Variants in ZSWIM6 observed in about 807,000 individuals in gnomAD.
ZSWIM6 encodes zinc finger SWIM-type containing 6.
Under a neutral mutation model 113.2 loss-of-function variants are expected in ZSWIM6, and 9 were observed. The observed-to-expected ratio is 0.08, with a 90% CI of 0.05 to 0.14. The LOEUF (loss-of-function observed/expected upper bound fraction) is 0.14. Ranked by LOEUF, ZSWIM6 falls within the 10% of genes least tolerant of loss-of-function variation. The pLI is 1.00. For synonymous variants in ZSWIM6, 611 were observed against 606.5 expected, an observed-to-expected ratio of 1.01 and a Z score of -0.11; for missense variants, 1,162 against 1,552.2, an observed-to-expected ratio of 0.75 and a Z score of 4.22.
At chr5:61,496,892 AAAC>A (rs1223880113) in intron 4 of ZSWIM6, among the ~76,000 whole-genome samples, 2 of 152,168 alleles carry the variant, frequency 1.3e-5, no homozygotes, top group Non-Finnish European at 2.9e-5. Context: ...TTGTAATGCA[AAAC>A]AACCTTTTAT....
At chr5:61,367,899 A>G (rs1207642638) in intron 1 of ZSWIM6, among the ~76,000 whole-genome samples, 1 of 152,142 alleles carries the variant, frequency 6.6e-6, no homozygotes, top group African/African-American at 2.4e-5. Context: ...GATGAGACGT[A>G]TAACTTGAGA....
chr5:61,415,469 G>T (rs982253977), intron 1 of ZSWIM6, among the ~76,000 whole-genome samples: 1 of 152,186 alleles, frequency 6.6e-6, no homozygotes, highest in East Asian at 1.9e-4. Flanking sequence ...GCACGTGCCT[G>T]TAATCCCAGC....
chr5:61,355,001 T>G (rs1744870161), intron 1 of ZSWIM6, among the ~76,000 whole-genome samples: 1 of 152,234 alleles, frequency 6.6e-6, no homozygotes, highest in Admixed American at 6.5e-5. Context: ...CATGAGTAAT[T>G]AAAGGTATCT....
chr5:61,441,567 G>C (rs1238738318), intron 1 of ZSWIM6, among the ~76,000 whole-genome samples: 3 of 152,262 alleles, frequency 2.0e-5, no homozygotes, highest in Middle Eastern at 3.4e-3. Flanking sequence ...TATCTAGTCT[G>C]TCTCCTGCAT....
At chr5:61,402,976 T>C (rs1745969684) in intron 1 of ZSWIM6, among the ~76,000 whole-genome samples, 1 of 152,248 alleles carries the variant, frequency 6.6e-6, no homozygotes, top group Non-Finnish European at 1.5e-5. Context: ...GCTCTTATGT[T>C]GTACACTTAG....
chr5:61,366,625 T>C (rs1745158952), intron 1 of ZSWIM6, among the ~76,000 whole-genome samples: 1 of 152,180 alleles, frequency 6.6e-6, no homozygotes, highest in Non-Finnish European at 1.5e-5. Flanking sequence ...AGCTTTCTAG[T>C]TGATAATGTA....
At chr5:61,490,372 A>G (rs541537393) in intron 2 of ZSWIM6, among the ~76,000 whole-genome samples, 1 of 152,116 alleles carries the variant, frequency 6.6e-6, no homozygotes, top group African/African-American at 2.4e-5. Context: ...TTGAATTAAC[A>G]TAGTAAAGAG....
At chr5:61,387,986 CTTT>C (rs576895905) in intron 1 of ZSWIM6, among the ~76,000 whole-genome samples, 13 of 130,740 alleles carry the variant, frequency 9.9e-5, no homozygotes, top group Non-Finnish European at 1.3e-4. Flanking sequence ...CTCTCTCTCT[CTTT>C]TTTTTTTTTT....
intron 1 of ZSWIM6, among the ~76,000 whole-genome samples, chr5:61,420,701 T>C (rs1037581393): frequency 6.6e-6 from 1 of 152,152 alleles, no homozygotes; most frequent in Non-Finnish European, 1.5e-5. Context: ...ATAGTGAGTA[T>C]GTATATTTAT....
chr5:61,435,778 CAGAG>C (rs1239482927), intron 1 of ZSWIM6, among the ~76,000 whole-genome samples: 1 of 151,992 alleles, frequency 6.6e-6, no homozygotes, highest in East Asian at 1.9e-4. Flanking sequence ...TTTTAGATGA[CAGAG>C]AGCTTAGATT....
intron 2 of ZSWIM6, among the ~76,000 whole-genome samples, chr5:61,477,975 G>C (rs1186170905): frequency 6.6e-6 from 1 of 152,160 alleles, no homozygotes; most frequent in Non-Finnish European, 1.5e-5. Flanking sequence ...GTCATCTGAT[G>C]GAGGACTCAT....
In ZSWIM6 at chr5:61,543,843, C is replaced by T; in HGVS notation, c.3174C>T (p.Asn1058=). Residue 1058 remains asparagine (N), a synonymous_variant, in exon 14 of 14, where the codon AAC becomes AAT. Coordinates refer to ENST00000252744, the MANE Select transcript of ZSWIM6 (RefSeq NM_020928.2). This position sits in a 1 kb window ranked among gnomAD's most constrained non-coding sequence, Gnocchi z 4.3. The part of the protein sequence containing the change: ...KLATLAMTHL[N]LSYNQDTHPA... ...CCACCCTGGCCATGACCCATCTCAA[C>T]CTGAGCTACAATCAGGACACACACC... 1 of 1,551,948 alleles carries T rather than the reference C, an allele frequency of 6.4e-7. No homozygotes were observed. The highest frequency in any genetic ancestry group is 8.7e-7 in the Non-Finnish European group (1 of 1,147,040).
rs1350827123 is a variant in ZSWIM6 at position 61,539,700 on chromosome 5, C to T, written c.2644C>T (p.Leu882Phe). Residue 882 changes from leucine to phenylalanine, a missense_variant, in exon 12 of 14, where the codon CTC becomes TTC. Coordinates refer to ENST00000252744, the MANE Select transcript of ZSWIM6 (RefSeq NM_020928.2). Reference sequence around the variant, plus strand: ...CCAAGATGCATTTAAAATAGCAACTCTCATGGACAGTTTGCCAGACATCAC... The same window carrying T: ...CCAAGATGCATTTAAAATAGCAACTTTCATGGACAGTTTGCCAGACATCAC... ...LAQDAFKIATLMDSLPDITLL... is the reference protein window; with the variant it reads ...LAQDAFKIATFMDSLPDITLL... 1.3e-6 allele frequency: 2 copies of T among 1,551,720 alleles called. No individual in the cohort carries two copies. The highest frequency in any genetic ancestry group is 1.7e-6 in the Non-Finnish European group (2 of 1,147,010).
intron 1 of ZSWIM6, among the ~76,000 whole-genome samples, chr5:61,406,940 T>TGA (rs1307019929): frequency 2.0e-5 from 3 of 152,194 alleles, no homozygotes; most frequent in Non-Finnish European, 4.4e-5. Flanking sequence ...CTCGAACTCC[T>TGA]GACTTCAGGT....
rs145342638 is a variant in ZSWIM6, at chr5:61,532,715, A to G, written c.2245+990A>G. ...TGCTCTTCAGGTAAACCTTCTTAAT[A>G]GCATGCTTAATTTTGGTAAAAATTC... On this transcript the variant is annotated intron_variant, in intron 9 of 13. Transcript: ENST00000252744. Among the ~76,000 whole-genome samples the G allele has an allele frequency of 3.1e-4, 47 of 152,312 alleles. No homozygotes were observed. The East Asian group carries it at 6.4e-3, about 21-fold the overall frequency.
chr5:61,435,985 T>G (rs540840514), intron 1 of ZSWIM6, among the ~76,000 whole-genome samples: 2 of 152,176 alleles, frequency 1.3e-5, no homozygotes, highest in African/African-American at 4.8e-5. Flanking sequence ...GCGGATCACC[T>G]GAAGTCGGGA....
At chr5:61,423,581 G>A (rs148235538) in intron 1 of ZSWIM6, among the ~76,000 whole-genome samples, 1 of 152,274 alleles carries the variant, frequency 6.6e-6, no homozygotes, top group East Asian at 1.9e-4. Context: ...CACTTTTAGT[G>A]AAGATACATG....
chr5:61,505,040 A>G (rs906777129), intron 4 of ZSWIM6, among the ~76,000 whole-genome samples: 5 of 152,240 alleles, frequency 3.3e-5, no homozygotes, highest in Non-Finnish European at 1.5e-5. Context: ...TTAGAATAAA[A>G]TAAGTCACTA....
chr5:61,413,391 A>C (rs894350402), intron 1 of ZSWIM6, among the ~76,000 whole-genome samples: 17 of 151,812 alleles, frequency 1.1e-4, no homozygotes, highest in African/African-American at 3.9e-4. Flanking sequence ...CATGGTGTAT[A>C]TGTGCCACAT....
Sources: allele counts gnomAD v4.1 joint callset (sites outside exome capture counted in the v4.1 genomes callset), GRCh38; gene constraint gnomAD v4.1.1; non-coding constraint Gnocchi (gnomAD v3.1); transcripts MANE v1.5; gene names NCBI Gene and HGNC (gene_info 2026-07-23, HGNC 2026-07-21).